Variants in RASL12 observed in about 807,000 individuals in gnomAD.
RASL12 encodes RAS like family 12.
A neutral mutation model predicts 22.9 loss-of-function variants in RASL12; 16 were observed. The observed-to-expected ratio is 0.70, with a 90% CI of 0.47 to 1.06. The LOEUF (loss-of-function observed/expected upper bound fraction) is 1.06. Among genes scored for constraint, RASL12 ranks in the 50% least tolerant of loss-of-function variants. RASL12 has a pLI of 0.00. For synonymous variants in RASL12, 159 were observed against 152.2 expected, an observed-to-expected ratio of 1.04 and a Z score of -0.33; for missense variants, 306 against 353.1, an observed-to-expected ratio of 0.87 and a Z score of 1.07.
chr15:65,053,219 A>G (rs2919352), downstream of RASL12: 6,324 of 1,591,826 alleles, frequency 4.0e-3, 230 homozygotes, highest in African/African-American at 0.075. Flanking sequence ...GGCTCAGCTC[A>G]GTGGCCTGAA....
upstream of RASL12, among the ~76,000 whole-genome samples, chr15:65,072,406 C>T (rs765410399): frequency 2.0e-5 from 3 of 152,170 alleles, no homozygotes; most frequent in Non-Finnish European, 2.9e-5. Context: ...CAGATTCATA[C>T]GTGAGGATCT....
the RASL12 span, among the ~76,000 whole-genome samples, chr15:65,048,122 A>C: frequency 6.6e-6 from 1 of 151,968 alleles, no homozygotes; most frequent in African/African-American, 2.4e-5. Context: ...CATAGGTTGC[A>C]GTGAGCTGAG....
chr15:65,068,783 G>A (rs2232752), upstream of RASL12, among the ~76,000 whole-genome samples: 9,842 of 152,230 alleles, frequency 0.065, 942 homozygotes, highest in African/African-American at 0.21. The surrounding 1 kb of genome is among the most constrained non-coding windows in gnomAD (Gnocchi z 4.2). Context: ...AGGGCAAAGG[G>A]CCCACACCAC....
At chr15:65,059,548 G>A in intron 2 of RASL12, 130 bp from the exon 3 acceptor site, 1 of 706,594 alleles carries the variant, frequency 1.4e-6, no homozygotes, top group Non-Finnish European at 2.5e-6. Context: ...CCACTGGAAA[G>A]TCCTTGGTTC....
At chr15:65,061,772 G>A (rs1458708893) in intron 2 of RASL12, among the ~76,000 whole-genome samples, 3 of 152,074 alleles carry the variant, frequency 2.0e-5, no homozygotes, top group East Asian at 1.9e-4. Flanking sequence ...ATGTTGGGCC[G>A]GGCGTGGTGG....
At chr15:65,064,216 T>C (rs1267584892) in intron 2 of RASL12, among the ~76,000 whole-genome samples, 1 of 152,240 alleles carries the variant, frequency 6.6e-6, no homozygotes, top group Admixed American at 6.5e-5. Flanking sequence ...CAAAAATGCA[T>C]TGAGTGCCTA....
chr15:65,061,387 G>A (rs2086802422), intron 2 of RASL12, among the ~76,000 whole-genome samples: 1 of 152,232 alleles, frequency 6.6e-6, no homozygotes, highest in Non-Finnish European at 1.5e-5. Context: ...GCCCAGTCTG[G>A]TGGGGATGTG....
In RASL12 at chr15:65,065,522, G is replaced by A. The variant is rs75964687; in HGVS notation, c.104-249C>T. ...TTTAATGGCAAGGAAAGCAATGAGT[G>A]GCAAGCCTAAGGGGTGTTTGGAAGG... On this transcript the variant is annotated intron_variant, in intron 1 of 4. Transcript: ENST00000220062. Among the ~76,000 whole-genome samples, 8 of 152,094 alleles carry A rather than the reference G, an allele frequency of 5.3e-5. No homozygotes were observed. The East Asian group carries it at 1.5e-3, about 29-fold the overall frequency.
intron 4 of RASL12, among the ~76,000 whole-genome samples, chr15:65,055,834 A>G (rs12441503): frequency 0.47 from 70,673 of 151,980 alleles, 17,018 homozygotes; most frequent in East Asian, 0.78. Flanking sequence ...TTCATTATTC[A>G]AGCCCTCACA....
At chr15:65,068,184 G>A (rs561656744), upstream of RASL12, 7 of 998,962 alleles carry the variant, frequency 7.0e-6, no homozygotes, top group Non-Finnish European at 8.3e-6. The surrounding 1 kb of genome is among the most constrained non-coding windows in gnomAD (Gnocchi z 4.2). Flanking sequence ...TCACCCTCCC[G>A]AGCGCCCCCA....
upstream of RASL12, among the ~76,000 whole-genome samples, chr15:65,069,420 A>G (rs1316489877): frequency 6.6e-6 from 1 of 152,256 alleles, no homozygotes; most frequent in Non-Finnish European, 1.5e-5. Flanking sequence ...CTGTGAAGAC[A>G]GACTGGTTCC....
upstream of RASL12, among the ~76,000 whole-genome samples, chr15:65,068,574 T>C (rs1281018555): frequency 1.3e-5 from 2 of 152,220 alleles, no homozygotes; most frequent in Admixed American, 1.3e-4. This position sits in a 1 kb window ranked among gnomAD's most constrained non-coding sequence, Gnocchi z 4.2. Flanking sequence ...AGAAACCTAA[T>C]CCATTCTGAA....
intron 1 of RASL12, among the ~76,000 whole-genome samples, chr15:65,067,187 C>A (rs1177234128): frequency 6.6e-6 from 1 of 150,440 alleles, no homozygotes; most frequent in Non-Finnish European, 1.5e-5. Context: ...CTCCCTTCTA[C>A]GGGGAGGGGG....
chr15:65,066,470 G>A (rs1227439025), intron 1 of RASL12, among the ~76,000 whole-genome samples: 1 of 151,648 alleles, frequency 6.6e-6, no homozygotes, highest in Non-Finnish European at 1.5e-5. Context: ...AGTCATGATC[G>A]CGCCATTGTA....
chr15:65,055,642 A>G (rs1171187723), intron 4 of RASL12, among the ~76,000 whole-genome samples: 2 of 152,118 alleles, frequency 1.3e-5, no homozygotes, highest in African/African-American at 4.8e-5. Context: ...TCCCAGCCCC[A>G]TCTCTTCTCT....
chr15:65,053,264 GCT>G (rs1461152160), downstream of RASL12: 1 of 1,462,152 alleles, frequency 6.8e-7, no homozygotes, highest in East Asian at 2.4e-5. Flanking sequence ...CCAAGAAGCC[GCT>G]TTTTTCTTTT....
exon 1 of RASL12, chr15:65,076,647 G>A (rs1365742197): frequency 1.4e-6 from 1 of 716,288 alleles, no homozygotes; most frequent in Non-Finnish European, 2.5e-6. Context: ...TGCCCTCCGG[G>A]CCTGCAGCCA....
chr15:65,045,891 C>T, the RASL12 span, among the ~76,000 whole-genome samples: 4 of 152,198 alleles, frequency 2.6e-5, no homozygotes, highest in African/African-American at 7.2e-5. Context: ...TTTGGCCGGG[C>T]GCAGTGGCTC....
the RASL12 span, among the ~76,000 whole-genome samples, chr15:65,047,589 C>T: frequency 6.6e-6 from 1 of 152,100 alleles, no homozygotes; most frequent in African/African-American, 2.4e-5. Flanking sequence ...GGCACAGGGG[C>T]CTGTGGCTGA....
Sources: allele counts gnomAD v4.1 joint callset (sites outside exome capture counted in the v4.1 genomes callset), GRCh38; gene constraint gnomAD v4.1.1; non-coding constraint Gnocchi (gnomAD v3.1); transcripts MANE v1.5; gene names NCBI Gene and HGNC (gene_info 2026-07-23, HGNC 2026-07-21).